The following PDCD7 variants were observed in gnomAD, a reference collection of about 807,000 sequenced individuals.
PDCD7 encodes the protein programmed cell death protein 7.
A neutral mutation model predicts 42.1 loss-of-function variants in PDCD7; 40 were observed. The observed-to-expected ratio is 0.95, with a 90% confidence interval of 0.74 to 1.24. The LOEUF (loss-of-function observed/expected upper bound fraction) is 1.24, where lower values mean the gene tolerates loss of function less well. PDCD7 is among the 50% of genes most tolerant of loss of function. PDCD7 has a pLI of 0.00. For missense variants in PDCD7, 644 were observed against 662.8 expected (o/e 0.97, Z 0.31); for synonymous variants, 299 against 303.3 (o/e 0.99, Z 0.15).
rs551259138 is a variant in PDCD7 at position 65,119,305 on chromosome 15, A to G, written c.1334+71T>C. The G allele has an allele frequency of 5.1e-6, 5 of 987,468 alleles. No homozygotes were observed. In the South Asian group the frequency reaches 6.9e-5, roughly 14 times the overall value. The allele number at this position is 987,468 out of a possible 1,614,324, so 61.2% of individuals were successfully genotyped here. A position where few individuals can be genotyped will look rare whatever the true frequency, so the allele number is the denominator to read the frequency against. Reference sequence around the variant, plus strand: ...AAAAAAGACAGTAATAGACCTAAACAATGTAAGCACTTCTTCAAGTGCTTC... The same window carrying G: ...AAAAAAGACAGTAATAGACCTAAACGATGTAAGCACTTCTTCAAGTGCTTC... On this transcript the variant is annotated intron_variant, in intron 4 of 4. Transcript: ENST00000204549.
At chr15:65,122,217 T>C (rs938506236) in intron 2 of PDCD7, among the ~76,000 whole-genome samples, 1 of 152,036 alleles carries the variant, frequency 6.6e-6, no homozygotes, top group Non-Finnish European at 1.5e-5. Flanking sequence ...GCGCCTGTAG[T>C]TCCAACTACT....
In PDCD7 at chr15:65,126,310, T is replaced by C. The variant is rs143045009; in HGVS notation, c.1009+2722A>G. On this transcript the variant is annotated intron_variant, in intron 2 of 4. Transcript: ENST00000204549. ...TGTCTTTTTGGCCCTCATCTCATGCTGTACAATCTCCTTAAGGTCATTCTG... is the reference window on the plus strand; with the variant it reads ...TGTCTTTTTGGCCCTCATCTCATGCCGTACAATCTCCTTAAGGTCATTCTG... 3.1e-3 allele frequency among the ~76,000 whole-genome samples: 468 copies of C among 152,336 alleles called. 2 individuals carry two copies. Among genetic ancestry groups the C allele is most frequent in the African/African-American group, 0.011 (455 of 41,574 alleles).
chr15:65,124,143 C>T (rs1483784020), intron 2 of PDCD7, among the ~76,000 whole-genome samples: 4 of 151,972 alleles, frequency 2.6e-5, no homozygotes, highest in Admixed American at 1.3e-4. Context: ...ACTCCTGGGG[C>T]GGGAGTGGTG....
intron 1 of PDCD7, among the ~76,000 whole-genome samples, chr15:65,132,009 C>T (rs1406452347): frequency 6.6e-6 from 1 of 151,352 alleles, no homozygotes; most frequent in South Asian, 2.1e-4. Flanking sequence ...TATGTAATGA[C>T]CTTAGCACAC....
Position 65,133,144 on chromosome 15 carries a change from G to A in PDCD7, c.638C>T (p.Ala213Val), listed in dbSNP as rs1287450477. 2 of 1,533,082 alleles carry A rather than the reference G, an allele frequency of 1.3e-6. No homozygotes were observed. The highest frequency in any genetic ancestry group is 1.2e-5 in the South Asian group (1 of 83,910). 95.0% of individuals were successfully genotyped at this position (1,533,082 alleles called of 1,614,324 possible). Residue 213 changes from alanine to valine, a missense_variant, in exon 1 of 5, where the codon GCG becomes GTG. Coordinates refer to ENST00000204549, the MANE Select transcript of PDCD7 (RefSeq NM_005707.2). Reference protein sequence around the residue: ...AAWVLLYSQTAPLRAELAERL... With the variant: ...AAWVLLYSQTVPLRAELAERL... ...CTCGGCCAGTTCCGCGCGCAGCGGC[G>A]CGGTCTGGGAGTACAGCAGGACCCA...
intron 2 of PDCD7, among the ~76,000 whole-genome samples, chr15:65,124,450 G>A (rs2087480647): frequency 6.6e-6 from 1 of 150,882 alleles, no homozygotes; most frequent in Admixed American, 6.6e-5. Flanking sequence ...AAGAAAGAAA[G>A]AAAAAGAAAA....
At chr15:65,123,131 A>T (rs1180288030) in intron 2 of PDCD7, among the ~76,000 whole-genome samples, 2 of 152,246 alleles carry the variant, frequency 1.3e-5, no homozygotes, top group African/African-American at 4.8e-5. Flanking sequence ...AACACTTGAC[A>T]CAGAGAAGGT....
intron 1 of PDCD7, among the ~76,000 whole-genome samples, chr15:65,130,627 T>C (rs553989202): frequency 6.6e-6 from 1 of 152,204 alleles, no homozygotes; most frequent in African/African-American, 2.4e-5. Flanking sequence ...CCATTTGGAT[T>C]ACTCTGTTTC....
At chr15:65,132,126 A>G (rs202075947) in intron 1 of PDCD7, among the ~76,000 whole-genome samples, 20 of 12,540 alleles carry the variant, frequency 1.6e-3, no homozygotes, top group South Asian at 0.015. Flanking sequence ...ATGTATGTGT[A>G]TATATATATA....
Position 65,133,260 on chromosome 15 carries a change from C to T in PDCD7, c.522G>A (p.Val174=). The stretch of plus-strand genomic sequence containing the variant: ...GCAGAGCCCGGAGCAATCGCGCGCG[C>T]ACTTCGCCAAGGCTGGGCCCGGCAT... The part of the protein sequence containing the change: ...RTHAGPSLGE[V]RARLLRALRL... Residue 174 remains valine, a synonymous_variant, in exon 1 of 5, where the codon GTG becomes GTA. Coordinates refer to ENST00000204549, the MANE Select transcript of PDCD7 (RefSeq NM_005707.2). The T allele has an allele frequency of 7.5e-7, 1 of 1,340,388 alleles. No individual in the cohort carries two copies. The highest frequency in any genetic ancestry group is 9.5e-7 in the Non-Finnish European group (1 of 1,053,350). The allele number at this position is 1,340,388 out of a possible 1,614,324, so 83.0% of individuals were successfully genotyped here.
rs1191194418 is a variant in PDCD7, at chr15:65,119,366, C to G, written c.1334+10G>C. The G allele has an allele frequency of 1.9e-6, 3 of 1,599,320 alleles. No homozygotes were observed. In the East Asian group the frequency reaches 6.7e-5, roughly 36 times the overall value. On this transcript the variant is annotated intron_variant, in intron 4 of 4. Transcript: ENST00000204549. The stretch of plus-strand genomic sequence containing the variant: ...AGAGAAAGACAACATGGAGAGCCAG[C>G]CCCTCTGACCTGATCTGGATGAGCG...
At chr15:65,123,958 T>C (rs904993047) in intron 2 of PDCD7, among the ~76,000 whole-genome samples, 2 of 152,234 alleles carry the variant, frequency 1.3e-5, no homozygotes, top group Admixed American at 6.5e-5. Context: ...ACAGTCTCTG[T>C]TGCAACTACT....
chr15:65,132,780 G>T (rs937678825), intron 1 of PDCD7, 132 bp downstream of exon 1: 58 of 1,339,218 alleles, frequency 4.3e-5, no homozygotes, highest in Non-Finnish European at 5.6e-5. Flanking sequence ...TATGAGCTGG[G>T]AAGGTTAGCT....
chr15:65,133,230 C>T lies in PDCD7; in HGVS notation c.552G>A (p.Leu184=). 1 of 1,379,762 alleles carries T rather than the reference C, an allele frequency of 7.2e-7. No homozygotes were observed. The highest frequency in any genetic ancestry group is 9.3e-7 in the Non-Finnish European group (1 of 1,076,366). 85.5% of individuals were successfully genotyped at this position (1,379,762 alleles called of 1,614,324 possible). A position where few individuals can be genotyped will look rare whatever the true frequency, so the allele number is the denominator to read the frequency against. The change falls in exon 1 of 5, where the codon CTG becomes CTA. Residue 184 remains leucine, a synonymous_variant. Transcript: ENST00000204549. The stretch of plus-strand genomic sequence containing the variant: ...GGCTCAGGCCGCGCAGCCGCCGCAC[C>T]AGGCGCAGAGCCCGGAGCAATCGCG... ...VRARLLRALR[L]VRRLRGLSQA... is the part of the protein sequence containing the mutation.
chr15:65,125,467 T>C (rs570426548), intron 2 of PDCD7, among the ~76,000 whole-genome samples: 84 of 152,340 alleles, frequency 5.5e-4, no homozygotes, highest in African/African-American at 2.0e-3. Flanking sequence ...TTTGCTTTTC[T>C]TGTATCATAT....
Position 65,129,037 on chromosome 15 carries a change from C to T in PDCD7, c.1004G>A (p.Arg335Lys). ...AAATGCAAAGCCACAGTTACCTTTC[C>T]TCGCTGCAGCCTCTTTCCTCAGTTT... ...LRKLRKEAAA[R>K]KGVCPPASAD... Residue 335 changes from arginine to lysine, a missense_variant, in exon 2 of 5, where the codon AGG becomes AAG. Physicochemically the swap from Arg to Lys is conservative, Grantham distance 26 (BLOSUM62 2). Coordinates refer to ENST00000204549, the MANE Select transcript of PDCD7 (RefSeq NM_005707.2). 1 of 1,614,096 alleles carries T rather than the reference C, an allele frequency of 6.2e-7. No homozygotes were observed. The highest frequency in any genetic ancestry group is 8.5e-7 in the Non-Finnish European group (1 of 1,179,968).
chr15:65,119,197 A>G, intron 4 of PDCD7, 179 bp downstream of exon 4: 2 of 559,964 alleles, frequency 3.6e-6, no homozygotes, highest in Non-Finnish European at 6.4e-6. Flanking sequence ...AATGAGGACT[A>G]AACAAGATGT....
Position 65,133,524 on chromosome 15 carries a change from C to CGGT in PDCD7, c.255_257dup (p.Pro87dup). 3.3e-6 allele frequency: 4 copies of CGGT among 1,227,940 alleles called. No individual in the cohort carries two copies. Among genetic ancestry groups the CGGT allele is most frequent in the Non-Finnish European group, 4.1e-6 (4 of 985,590 alleles). 76.1% of individuals were successfully genotyped at this position (1,227,940 alleles called of 1,614,324 possible). On this transcript the variant is annotated inframe_insertion, in exon 1 of 5. Transcript: ENST00000204549. ...ACTGGGGCGGCGGAGGAGGCAGCGG[C>CGGT]GGTGGTGGCACCGGGTAGAAGGCGC...
At chr15:65,130,174 T>G (rs1430971451) in intron 1 of PDCD7, among the ~76,000 whole-genome samples, 2 of 145,238 alleles carry the variant, frequency 1.4e-5, no homozygotes, top group South Asian at 2.3e-4. Flanking sequence ...TTTTTTTTTT[T>G]TTTGAGATGG....
Sources: gnomAD v4.1 joint callset for allele counts (sites outside exome capture counted in the v4.1 genomes callset) on GRCh38, gnomAD v4.1.1 for gene constraint, MANE v1.5 for transcripts, NCBI Gene and HGNC (gene_info 2026-07-23, HGNC 2026-07-21) for gene names.